The following GMIP variants were observed in gnomAD, a reference collection of about 807,000 sequenced individuals.
GMIP encodes the protein GEM interacting protein.
A neutral mutation model predicts 105.3 loss-of-function variants in GMIP; 54 were observed. The ratio of observed to expected loss-of-function variants is 0.51; its 90% CI spans 0.41 to 0.64. GMIP has a LOEUF of 0.64. GMIP is among the 30% of genes least tolerant of loss of function. The pLI is 0.00. For synonymous variants in GMIP, 541 were observed against 560.8 expected (o/e 0.96, Z 0.50); for missense variants, 1,110 against 1,319.4 (o/e 0.84, Z 2.46).
chr19:19,631,738 A>T (rs2061797216), intron 19 of GMIP, among the ~76,000 whole-genome samples: 1 of 152,202 alleles, frequency 6.6e-6, no homozygotes, highest in African/African-American at 2.4e-5. Context: ...CTGTAATCCC[A>T]GCACTTTGGG....
At chr19:19,640,994 C>T (rs1030334600) in intron 4 of GMIP, among the ~76,000 whole-genome samples, 11 of 152,032 alleles carry the variant, frequency 7.2e-5, no homozygotes, top group African/African-American at 2.7e-4. Context: ...CTCGAACTCC[C>T]AATCTCAGGT....
chr19:19,641,247 A>C (rs747483460), intron 4 of GMIP, among the ~76,000 whole-genome samples: 2 of 150,830 alleles, frequency 1.3e-5, no homozygotes, highest in Non-Finnish European at 1.5e-5. Context: ...CGCCCGGCTA[A>C]ATTTTTTTGT....
chr19:19,638,113 G>A (rs760536794), intron 9 of GMIP, 46 bp downstream of exon 9: 3 of 1,556,618 alleles, frequency 1.9e-6, no homozygotes, highest in African/African-American at 2.7e-5. Flanking sequence ...AGAGTGGAGG[G>A]CAGGGGGCGC....
Position 19,630,287 on chromosome 19 carries a change from G to A in GMIP, c.2589C>T (p.Gly863=). The A allele has an allele frequency of 1.3e-6, 2 of 1,546,824 alleles. No individual in the cohort carries two copies. Among genetic ancestry groups the A allele is most frequent in the South Asian group, 1.2e-5 (1 of 80,282 alleles). The change falls in exon 21 of 21, where the codon GGC becomes GGT. Residue 863 remains glycine, a synonymous_variant. Transcript: ENST00000203556. The surrounding 1 kb of genome is among the most constrained non-coding windows in gnomAD (Gnocchi z 4.8). The part of the protein sequence containing the change: ...EDSLLGTQSR[G]HFSRQPVKYP... Reference sequence around the variant, plus strand: ...ACTTCACTGGCTGGCGGCTGAAGTGGCCACGAGACTGTGTCCCCAGGAGTG... The same window carrying A: ...ACTTCACTGGCTGGCGGCTGAAGTGACCACGAGACTGTGTCCCCAGGAGTG...
rs761810120 is a variant in GMIP, at chr19:19,629,682, C to T, written c.*281G>A. The T allele has an allele frequency of 4.4e-6, 2 of 458,698 alleles. No individual in the cohort carries two copies. Among genetic ancestry groups the T allele is most frequent in the African/African-American group, 2.0e-5 (1 of 49,654 alleles). 28.4% of individuals were successfully genotyped at this position (458,698 alleles called of 1,614,324 possible). On this transcript the variant is annotated 3_prime_UTR_variant, in exon 21 of 21. Transcript: ENST00000203556. ...GACCCCAAGGATCTCATAACCTGCA[C>T]TGACCCTGAGTATTGACCCTGAGTG...
At chr19:19,643,389 G>T in intron 1 of GMIP, 122 bp downstream of exon 1, 1 of 896,310 alleles carries the variant, frequency 1.1e-6, no homozygotes, top group Non-Finnish European at 1.7e-6. Context: ...AGGATCCCTG[G>T]GTCCTTCCCA....
At chr19:19,632,102 C>T (rs1204159001) in intron 19 of GMIP, among the ~76,000 whole-genome samples, 2 of 150,240 alleles carry the variant, frequency 1.3e-5, no homozygotes, top group African/African-American at 4.9e-5. Flanking sequence ...ACCAGCCTGA[C>T]CAACATGGAG....
Position 19,642,610 on chromosome 19 carries a change from G to T in GMIP, c.29C>A (p.Pro10Gln), listed in dbSNP as rs759792317. Residue 10 changes from proline to glutamine, a missense_variant, in exon 2 of 21, where the codon CCA (proline) becomes CAA (glutamine). Physicochemically the swap from Pro to Gln is moderately conservative, Grantham distance 76. Around this residue, in one of 3 missense-constraint regions of GMIP, gnomAD observed 667 missense variants for 773.2 expected, o/e 0.86. Coordinates refer to ENST00000203556, the MANE Select transcript of GMIP (RefSeq NM_016573.4). MDAAEPGLP[P>Q]GPEGRKRYSD... is the part of the protein sequence containing the mutation. ...GTACCTCTTCCTGCCCTCAGGACCT[G>T]GGGGGAGTCCTAGGGGAGGGGAGTG... 3 of 1,587,950 alleles carry T rather than the reference G, an allele frequency of 1.9e-6. No individual in the cohort carries two copies. Among genetic ancestry groups the T allele is most frequent in the Non-Finnish European group, 2.6e-6 (3 of 1,158,138 alleles).
intron 8 of GMIP, 29 bp downstream of exon 8, chr19:19,638,373 C>A (rs1489931129): frequency 6.2e-7 from 1 of 1,613,990 alleles, no homozygotes; most frequent in Non-Finnish European, 8.5e-7. Flanking sequence ...TCTCTCTCAC[C>A]CTACCCTTCC....
At chr19:19,631,105 G>A (rs993113184) in intron 19 of GMIP, among the ~76,000 whole-genome samples, 3 of 152,160 alleles carry the variant, frequency 2.0e-5, no homozygotes, top group South Asian at 2.1e-4. Context: ...GGAGGCTGAG[G>A]CAGGAGAATC....
Position 19,629,903 on chromosome 19 carries a change from G to A in GMIP, c.*60C>T. On this transcript the variant is annotated 3_prime_UTR_variant, in exon 21 of 21. Transcript: ENST00000203556. ...TTTGGCCACTAGGTGGTGGGAGGTA[G>A]GGATATATGGGTCCGTCTTCACAAT... is the stretch of plus-strand genomic sequence containing the variant. 1 of 1,507,924 alleles carries A rather than the reference G, an allele frequency of 6.6e-7. No homozygotes were observed. The highest frequency in any genetic ancestry group is 2.1e-4 in the Middle Eastern group (1 of 4,828). 93.4% of individuals were successfully genotyped at this position (1,507,924 alleles called of 1,614,324 possible).
At position 19,635,030 on chromosome 19, in the gene GMIP, C is replaced by T. The variant is rs770728746; in HGVS notation, c.1744G>A (p.Val582Met). The T allele has an allele frequency of 2.1e-5, 34 of 1,613,648 alleles. 1 individual carries two copies. In the South Asian group the frequency reaches 3.1e-4, roughly 15 times the overall value. ...TAEIEHRALD[V>M]QGIYRVSGSR... ...ATGAAGGGTCAGGGCAGCACCTGCACATCCAGGGCACGGTGTTCTATCTCA... is the reference window on the plus strand; with the variant it reads ...ATGAAGGGTCAGGGCAGCACCTGCATATCCAGGGCACGGTGTTCTATCTCA... Residue 582 changes from valine (V) to methionine (M), a missense_variant, in exon 16 of 21, where the codon GTG becomes ATG. Val to Met is a conservative substitution (Grantham distance 21). Around this residue, in one of 3 missense-constraint regions of GMIP, gnomAD observed 49 missense variants for 95.6 expected, o/e 0.51. Transcript: ENST00000203556. This position sits in a 1 kb window ranked among gnomAD's most constrained non-coding sequence, Gnocchi z 4.7.
In GMIP at chr19:19,629,810, T is replaced by C; in HGVS notation, c.*153A>G. ...AGGGTTTTAGGCCTCCCCTAGGTCATGTATTAAATAGTTTTTCCTTATAGG... is the reference window on the plus strand; with the variant it reads ...AGGGTTTTAGGCCTCCCCTAGGTCACGTATTAAATAGTTTTTCCTTATAGG... On this transcript the variant is annotated 3_prime_UTR_variant, in exon 21 of 21. Coordinates refer to ENST00000203556, the MANE Select transcript of GMIP (RefSeq NM_016573.4). 1 of 715,152 alleles carries C rather than the reference T, an allele frequency of 1.4e-6. No individual in the cohort carries two copies. The highest frequency in any genetic ancestry group is 2.3e-6 in the Non-Finnish European group (1 of 441,790). 44.3% of individuals were successfully genotyped at this position (715,152 alleles called of 1,614,324 possible). A position where few individuals can be genotyped will look rare whatever the true frequency, so the allele number is the denominator to read the frequency against.
chr19:19,633,752 T>C (rs1012267889), intron 19 of GMIP, 51 bp downstream of exon 19: 11 of 1,283,294 alleles, frequency 8.6e-6, no homozygotes, highest in South Asian at 2.6e-5. Flanking sequence ...GGTAAGAGAA[T>C]TGAACAGAGA....
At chr19:19,643,340 G>A (rs4808975) in intron 1 of GMIP, 171 bp downstream of exon 1, 3 of 517,930 alleles carry the variant, frequency 5.8e-6, no homozygotes, top group Non-Finnish European at 1.0e-5. Flanking sequence ...GAAGGGCTGG[G>A]GTCCTGAACC....
Position 19,629,813 on chromosome 19 carries a change from A to T in GMIP, c.*150T>A. 1.3e-6 allele frequency: 1 copy of T among 742,092 alleles called. No individual in the cohort carries two copies. The highest frequency in any genetic ancestry group is 2.1e-6 in the Non-Finnish European group (1 of 465,548). The allele number at this position is 742,092 out of a possible 1,614,324, so 46.0% of individuals were successfully genotyped here. ...GTTTTAGGCCTCCCCTAGGTCATGT[A>T]TTAAATAGTTTTTCCTTATAGGAAC... On this transcript the variant is annotated 3_prime_UTR_variant, in exon 21 of 21. Transcript: ENST00000203556.
rs144995250 is a variant in GMIP at position 19,630,169 on chromosome 19, C to T, written c.2707G>A (p.Val903Met). 2 of 1,604,306 alleles carry T rather than the reference C, an allele frequency of 1.2e-6. No homozygotes were observed. Among genetic ancestry groups the T allele is most frequent in the African/African-American group, 2.7e-5 (2 of 74,882 alleles). ...KLCEETPITS[V>M]PRGSLRGRGP... ...CGCCCCCGCAAACTCCCTCTGGGCACTGATGTGATGGGGGTCTCCTCGCAC... is the reference window on the plus strand; with the variant it reads ...CGCCCCCGCAAACTCCCTCTGGGCATTGATGTGATGGGGGTCTCCTCGCAC... The change falls in exon 21 of 21, where the codon GTG becomes ATG. Residue 903 changes from valine (V) to methionine (M), a missense_variant. By Grantham distance (21) the Val-to-Met change is conservative (BLOSUM62 1). Transcript: ENST00000203556. This position sits in a 1 kb window ranked among gnomAD's most constrained non-coding sequence, Gnocchi z 4.8.
At chr19:19,631,759 G>A (rs1223266297) in intron 19 of GMIP, among the ~76,000 whole-genome samples, 3 of 152,014 alleles carry the variant, frequency 2.0e-5, no homozygotes, top group African/African-American at 7.2e-5. Flanking sequence ...AGGCCGAGGC[G>A]GGTGGATCAC....
Position 19,634,358 on chromosome 19 carries a change from C to T in GMIP, c.2084+149G>A, listed in dbSNP as rs2061828112. The T allele has an allele frequency of 2.0e-6, 2 of 990,502 alleles. No homozygotes were observed. Among genetic ancestry groups the T allele is most frequent in the Non-Finnish European group, 3.0e-6 (2 of 663,804 alleles). 61.4% of individuals were successfully genotyped at this position (990,502 alleles called of 1,614,324 possible). Reference sequence around the variant, plus strand: ...CAGAACTGGAGGTCAGGGGTCAGTACCCAAAGTTATGAATCATGGATTAAG... The same window carrying T: ...CAGAACTGGAGGTCAGGGGTCAGTATCCAAAGTTATGAATCATGGATTAAG... On this transcript the variant is annotated intron_variant, in intron 18 of 20. Transcript: ENST00000203556. The surrounding 1 kb of genome is among the most constrained non-coding windows in gnomAD (Gnocchi z 6.1).
Sources: gnomAD v4.1 joint callset for allele counts (sites outside exome capture counted in the v4.1 genomes callset) on GRCh38, gnomAD v4.1.1 for gene constraint, gnomAD v4.1.1 regional missense constraint, Gnocchi (gnomAD v3.1) non-coding constraint, MANE v1.5 for transcripts, NCBI Gene and HGNC (gene_info 2026-07-23, HGNC 2026-07-21) for gene names.